The following TIAM1 variants were observed in gnomAD, a reference collection of about 807,000 sequenced individuals.
The protein encoded by TIAM1 is TIAM Rac1 associated GEF 1, also known as rho guanine nucleotide exchange factor TIAM1.
Under a neutral mutation model 163.5 loss-of-function variants are expected in TIAM1, and 65 were observed. The ratio of observed to expected loss-of-function variants is 0.40; its 90% CI spans 0.33 to 0.49. The LOEUF (loss-of-function observed/expected upper bound fraction) is 0.49. Ranked by LOEUF, TIAM1 falls within the 20% of genes least tolerant of loss-of-function variation. The pLI is 0.77. For missense variants in TIAM1, 1,789 were observed against 2,044.7 expected (o/e 0.87, Z 2.41); for synonymous variants, 833 against 810.1 (o/e 1.03, Z -0.48).
At chr21:31,264,195 T>C (rs2072634408) in intron 4 of TIAM1, among the ~76,000 whole-genome samples, 1 of 152,126 alleles carries the variant, frequency 6.6e-6, no homozygotes, top group Admixed American at 6.6e-5. Flanking sequence ...TATGCAATAC[T>C]GAGATTTGGG....
intron 6 of TIAM1, among the ~76,000 whole-genome samples, chr21:31,228,241 A>G (rs552280782): frequency 6.0e-4 from 28 of 46,676 alleles, no homozygotes; most frequent in African/African-American, 9.1e-4. Context: ...AAAAAAAAAA[A>G]AAAAAAAAAA....
intron 2 of TIAM1, among the ~76,000 whole-genome samples, chr21:31,318,196 C>T (rs181794661): frequency 1.3e-5 from 2 of 152,314 alleles, no homozygotes; most frequent in Admixed American, 6.5e-5. Context: ...CTCCCAGGCT[C>T]AAGTGATTCT....
chr21:31,467,493 A>G (rs2045575038), intron 1 of TIAM1, among the ~76,000 whole-genome samples: 1 of 151,672 alleles, frequency 6.6e-6, no homozygotes, highest in Non-Finnish European at 1.5e-5. Flanking sequence ...GGGCGTGGCG[A>G]CACATGCCTA....
intron 2 of TIAM1, among the ~76,000 whole-genome samples, chr21:31,399,006 T>C (rs760490434): frequency 4.6e-5 from 7 of 151,736 alleles, no homozygotes; most frequent in African/African-American, 7.3e-5. Flanking sequence ...AGAAACCCCA[T>C]CTCCACTAAA....
chr21:31,364,083 C>T (rs2076457337), intron 2 of TIAM1, among the ~76,000 whole-genome samples: 1 of 152,120 alleles, frequency 6.6e-6, no homozygotes, highest in Non-Finnish European at 1.5e-5. Flanking sequence ...CTTCATTATC[C>T]TAGTAATAAA....
chr21:31,413,504 T>C (rs557271065), intron 2 of TIAM1, among the ~76,000 whole-genome samples: 13 of 151,852 alleles, frequency 8.6e-5, no homozygotes, highest in Admixed American at 5.9e-4. Flanking sequence ...TTTCCTGACG[T>C]CGTGATCCAC....
intron 2 of TIAM1, among the ~76,000 whole-genome samples, chr21:31,419,270 T>C (rs1220667312): frequency 1.3e-5 from 2 of 152,234 alleles, no homozygotes; most frequent in Admixed American, 1.3e-4. Context: ...GAGAAATTCA[T>C]GTTAAGTAAA....
Position 31,266,477 on chromosome 21 carries a change from T to C in TIAM1, c.496A>G (p.Lys166Glu). 6.2e-7 allele frequency: 1 copy of C among 1,614,196 alleles called. No homozygotes were observed. The highest frequency in any genetic ancestry group is 1.3e-5 in the African/African-American group (1 of 75,044). ...GPTFMETASF[K>E]KKRSKSADIW... ...TCTGCAGATTTGGAGCGTTTCTTCTTAAAGCTCGCCGTCTCCATGAAAGTG... is the reference window on the plus strand; with the variant it reads ...TCTGCAGATTTGGAGCGTTTCTTCTCAAAGCTCGCCGTCTCCATGAAAGTG... The change falls in exon 4 of 28, where the codon AAG becomes GAG. Residue 166 changes from lysine (K) to glutamate (E), a missense_variant. Lys to Glu is a moderately conservative substitution (Grantham distance 56, BLOSUM62 1). This residue lies in a region of TIAM1 where 555 missense variants were observed against 564.9 expected (regional missense o/e 0.98). Transcript: ENST00000541036.
chr21:31,164,007 G>T (rs896488566), intron 16 of TIAM1, among the ~76,000 whole-genome samples: 4 of 152,316 alleles, frequency 2.6e-5, no homozygotes, highest in Non-Finnish European at 5.9e-5. Flanking sequence ...TAACACAGAG[G>T]TTTTAAGTTG....
rs139271354 is a variant in TIAM1 at position 31,327,937 on chromosome 21, C to T, written c.-189+11306G>A. 3.8e-3 allele frequency among the ~76,000 whole-genome samples: 577 copies of T among 152,206 alleles called. 1 individual carries two copies. The highest frequency in any genetic ancestry group is 0.013 in the African/African-American group (558 of 41,518). On this transcript the variant is annotated intron_variant, in intron 2 of 27. Coordinates refer to ENST00000541036, the MANE Select transcript of TIAM1 (RefSeq NM_001353694.2). ...TCCACAACCCTCAAAGGCTTCCCAT[C>T]TCACCAGCAGTCCCGCAGACCCTGC...
At chr21:31,470,266 T>C (rs1351282389) in intron 1 of TIAM1, among the ~76,000 whole-genome samples, 1 of 151,234 alleles carries the variant, frequency 6.6e-6, no homozygotes, top group African/African-American at 2.4e-5. Context: ...CAGCCTCCCA[T>C]AGTGCTGGGA....
intron 1 of TIAM1, among the ~76,000 whole-genome samples, chr21:31,531,854 T>C (rs2284544): frequency 0.34 from 51,837 of 151,622 alleles, 9,255 homozygotes; most frequent in Non-Finnish European, 0.39. Context: ...CGGTGGCTCA[T>C]GCTTATAATC....
intron 3 of TIAM1, among the ~76,000 whole-genome samples, chr21:31,274,794 A>G (rs751563931): frequency 9.2e-5 from 14 of 152,198 alleles, no homozygotes; most frequent in Non-Finnish European, 1.6e-4. Context: ...ACCTTGAGAC[A>G]GCTAAAAATT....
intron 1 of TIAM1, among the ~76,000 whole-genome samples, chr21:31,549,792 C>T (rs2048621281): frequency 6.6e-6 from 1 of 152,128 alleles, no homozygotes; most frequent in South Asian, 2.1e-4. Context: ...TTACGTATGA[C>T]GTAGCAACTC....
At chr21:31,312,740 A>G (rs986913057) in intron 2 of TIAM1, among the ~76,000 whole-genome samples, 33 of 152,296 alleles carry the variant, frequency 2.2e-4, no homozygotes, top group South Asian at 4.2e-4. Flanking sequence ...AGAAATTCCA[A>G]CGCAGGTCCA....
chr21:31,126,917 C>A, intron 26 of TIAM1, 148 bp downstream of exon 26: 1 of 700,090 alleles, frequency 1.4e-6, no homozygotes, highest in Non-Finnish European at 2.4e-6. Flanking sequence ...AAGCTGTCAG[C>A]TCCTCCCAGC....
chr21:31,443,838 T>C (rs942117747), intron 2 of TIAM1, among the ~76,000 whole-genome samples: 13 of 152,202 alleles, frequency 8.5e-5, no homozygotes, highest in Admixed American at 6.5e-4. Flanking sequence ...CTATCCCTCC[T>C]GCAAATCCCT....
intron 2 of TIAM1, among the ~76,000 whole-genome samples, chr21:31,338,248 G>A (rs1220951920): frequency 6.6e-6 from 1 of 152,300 alleles, no homozygotes; most frequent in Admixed American, 6.5e-5. Context: ...CGGAATGCAG[G>A]GTGGGAAACT....
chr21:31,185,956 T>C lies in TIAM1; in HGVS notation c.2662+1045A>G, dbSNP rs79438505. On this transcript the variant is annotated intron_variant, in intron 14 of 27. Transcript: ENST00000541036. ...CTCAGAGGCTTCAGAGAAATCAATCTTGCCAATACCTTAATTTCAGACTTC... is the reference window on the plus strand; with the variant it reads ...CTCAGAGGCTTCAGAGAAATCAATCCTGCCAATACCTTAATTTCAGACTTC... Among the ~76,000 whole-genome samples the C allele has an allele frequency of 6.9e-3, 1,052 of 152,278 alleles. 13 individuals carry two copies. Among genetic ancestry groups the C allele is most frequent in the African/African-American group, 0.024 (1,006 of 41,534 alleles).
Sources: allele counts gnomAD v4.1 joint callset (sites outside exome capture counted in the v4.1 genomes callset), GRCh38; gene constraint gnomAD v4.1.1; regional missense constraint gnomAD v4.1.1; transcripts MANE v1.5; gene names NCBI Gene and HGNC (gene_info 2026-07-23, HGNC 2026-07-21).